Variants in THRB observed in about 807,000 individuals in gnomAD.
THRB encodes nuclear receptor subfamily 1 group A member 2.
A neutral mutation model predicts 47.8 loss-of-function variants in THRB; 12 were observed. The observed-to-expected ratio is 0.25, with a 90% CI of 0.16 to 0.41. THRB has a LOEUF of 0.41. Ranked by LOEUF, THRB falls within the 10% of genes least tolerant of loss-of-function variation. The pLI is 1.00. For synonymous variants in THRB, 218 were observed against 212.2 expected (o/e 1.03, Z -0.24); for missense variants, 348 against 589.2 (o/e 0.59, Z 4.24).
chr3:24,311,506 A>T (rs1398567839), intron 2 of THRB, among the ~76,000 whole-genome samples: 1 of 152,174 alleles, frequency 6.6e-6, no homozygotes. Flanking sequence ...TTAGATTAGA[A>T]AAAAGAAAGG....
intron 1 of THRB, among the ~76,000 whole-genome samples, chr3:24,404,690 G>A (rs1041033428): frequency 1.3e-4 from 20 of 151,674 alleles, no homozygotes; most frequent in African/African-American, 4.8e-4. Context: ...TACTTTAAAT[G>A]AATTAACAAA....
At chr3:24,192,858 C>T (rs570532138) in intron 4 of THRB, among the ~76,000 whole-genome samples, 6 of 152,276 alleles carry the variant, frequency 3.9e-5, no homozygotes, top group South Asian at 2.1e-4. Context: ...TAATTACATT[C>T]GTAATAATGA....
chr3:24,316,384 T>C (rs1390926780), intron 2 of THRB, among the ~76,000 whole-genome samples: 2 of 152,082 alleles, frequency 1.3e-5, no homozygotes, highest in Admixed American at 1.3e-4. Flanking sequence ...TCCTTTTTTC[T>C]CTTTTCCCTT....
chr3:24,145,134 C>T (rs10428188), intron 7 of THRB, among the ~76,000 whole-genome samples: 2 of 151,158 alleles, frequency 1.3e-5, no homozygotes, highest in East Asian at 1.9e-4. Flanking sequence ...TACCCTCAAC[C>T]CCTTCCCAAA....
chr3:24,205,121 G>C (rs2149778514), intron 4 of THRB, among the ~76,000 whole-genome samples: 1 of 152,258 alleles, frequency 6.6e-6, no homozygotes, highest in East Asian at 1.9e-4. Flanking sequence ...TAGCAAGGCA[G>C]GCCAACATTC....
At chr3:24,244,769 A>G (rs989854844) in intron 3 of THRB, among the ~76,000 whole-genome samples, 1 of 152,184 alleles carries the variant, frequency 6.6e-6, no homozygotes, top group Non-Finnish European at 1.5e-5. Context: ...AGCCCTGTGA[A>G]TCTTCCTCCC....
At position 24,453,257 on chromosome 3, in the gene THRB, G is replaced by A. The variant is rs9861889; in HGVS notation, c.-261+41395C>T. Reference sequence around the variant, plus strand: ...CAGGTACTCTTGTGATGCATATACAGCATTATTAACTCATTCGATTTTCAT... The same window carrying A: ...CAGGTACTCTTGTGATGCATATACAACATTATTAACTCATTCGATTTTCAT... On this transcript the variant is annotated intron_variant, in intron 1 of 10. Transcript: ENST00000646209. 9.5e-3 allele frequency among the ~76,000 whole-genome samples: 1,447 copies of A among 152,298 alleles called. 20 individuals carry two copies. Among genetic ancestry groups the A allele is most frequent in the African/African-American group, 0.033 (1,356 of 41,548 alleles).
chr3:24,420,272 G>A (rs1257483424), intron 1 of THRB, among the ~76,000 whole-genome samples: 1 of 151,864 alleles, frequency 6.6e-6, no homozygotes, highest in Non-Finnish European at 1.5e-5. Flanking sequence ...ACTTCAAGAT[G>A]GAACCAGCAG....
intron 1 of THRB, among the ~76,000 whole-genome samples, chr3:24,492,556 A>G (rs571482690): frequency 2.9e-4 from 44 of 152,218 alleles, no homozygotes; most frequent in Non-Finnish European, 5.3e-4. Flanking sequence ...CTAAAAAAAG[A>G]AACATGCAAT....
intron 1 of THRB, among the ~76,000 whole-genome samples, chr3:24,342,621 T>C (rs544715861): frequency 2.0e-5 from 3 of 152,262 alleles, no homozygotes; most frequent in East Asian, 3.9e-4. Context: ...AGGAGGCACA[T>C]ACCTCAGGAG....
chr3:24,312,126 C>T (rs1042183974), intron 2 of THRB, among the ~76,000 whole-genome samples: 2 of 152,206 alleles, frequency 1.3e-5, no homozygotes, highest in African/African-American at 4.8e-5. Context: ...GCCCTACTTC[C>T]CACTATTTCA....
At chr3:24,380,912 C>T (rs376180059) in intron 1 of THRB, among the ~76,000 whole-genome samples, 16 of 152,090 alleles carry the variant, frequency 1.1e-4, no homozygotes, top group African/African-American at 3.6e-4. Context: ...GTCAAGAGAT[C>T]GAGACCATCC....
At chr3:24,177,011 T>G (rs1417187573) in intron 5 of THRB, among the ~76,000 whole-genome samples, 3 of 152,184 alleles carry the variant, frequency 2.0e-5, no homozygotes, top group Non-Finnish European at 2.9e-5. Flanking sequence ...TAATTAAGAC[T>G]GATTCTCAAA....
intron 1 of THRB, among the ~76,000 whole-genome samples, chr3:24,360,506 C>G (rs565009970): frequency 1.2e-3 from 182 of 152,254 alleles, no homozygotes; most frequent in Non-Finnish European, 1.4e-3. Context: ...CTCAAACATT[C>G]CTGCACACTG....
intron 1 of THRB, among the ~76,000 whole-genome samples, chr3:24,482,261 T>C (rs1157921903): frequency 6.6e-6 from 1 of 152,234 alleles, no homozygotes; most frequent in African/African-American, 2.4e-5. Context: ...AGGTACTATG[T>C]CCTGGCTAAG....
chr3:24,147,396 C>T (rs1379016869), intron 6 of THRB, among the ~76,000 whole-genome samples: 1 of 152,220 alleles, frequency 6.6e-6, no homozygotes, highest in Non-Finnish European at 1.5e-5. Context: ...CTCACTTAGC[C>T]TTTCAAACAA....
At chr3:24,183,100 T>G (rs2042112171) in intron 5 of THRB, among the ~76,000 whole-genome samples, 1 of 152,078 alleles carries the variant, frequency 6.6e-6, no homozygotes, top group South Asian at 2.1e-4. Flanking sequence ...GCTATGGACT[T>G]TTTTTTCAAC....
At chr3:24,203,729 C>A (rs748273921) in intron 4 of THRB, among the ~76,000 whole-genome samples, 1 of 152,192 alleles carries the variant, frequency 6.6e-6, no homozygotes, top group African/African-American at 2.4e-5. Flanking sequence ...CCGGGAAGCA[C>A]AGGGGGTCAG....
At position 24,176,458 on chromosome 3, in the gene THRB, T is replaced by C. The variant is rs973766674; in HGVS notation, c.283+13616A>G. ...ATAATAGGAATAATGAATGAACAATTGAATCACCTGCATTTACTTTGCTTT... is the reference window on the plus strand; with the variant it reads ...ATAATAGGAATAATGAATGAACAATCGAATCACCTGCATTTACTTTGCTTT... On this transcript the variant is annotated intron_variant, in intron 5 of 10. Transcript: ENST00000646209. 2.6e-5 allele frequency among the ~76,000 whole-genome samples: 4 copies of C among 152,278 alleles called. No individual in the cohort carries two copies. In the South Asian group the frequency reaches 6.2e-4, roughly 24 times the overall value.
Sources: gnomAD v4.1 joint callset for allele counts (sites outside exome capture counted in the v4.1 genomes callset) on GRCh38, gnomAD v4.1.1 for gene constraint, MANE v1.5 for transcripts, NCBI Gene and HGNC (gene_info 2026-07-23, HGNC 2026-07-21) for gene names.